FOXC2: variants seen among roughly 807,000 people sequenced by gnomAD.
FOXC2 encodes forkhead box protein C2.
Under a neutral mutation model 7.2 loss-of-function variants are expected in FOXC2, and 7 were observed. The observed-to-expected ratio is 0.97, with a 90% confidence interval of 0.55 to 1.81. The LOEUF (loss-of-function observed/expected upper bound fraction) is 1.81, where lower values mean the gene tolerates loss of function less well. FOXC2 is among the 40% of genes most tolerant of loss of function. The pLI is 0.00. For synonymous variants in FOXC2, 436 were observed against 350.4 expected, an observed-to-expected ratio of 1.24 and a Z score of -2.73; for missense variants, 846 against 741.2, an observed-to-expected ratio of 1.14 and a Z score of -1.64.
At position 86,568,996 on chromosome 16, in the gene FOXC2, C is replaced by T. The variant is rs1974245968; in HGVS notation, c.*155C>T. On this transcript the variant is annotated 3_prime_UTR_variant, in exon 1 of 1. Transcript: ENST00000649859. The surrounding 1 kb of genome is among the most constrained non-coding windows in gnomAD (Gnocchi z 5.2). ...CGGGAGCAGAGAGCGGGCACGCTAG[C>T]CCCCAGCCGTCTGTGAAGAGCGCAG... 3 of 987,144 alleles carry T rather than the reference C, an allele frequency of 3.0e-6. No individual in the cohort carries two copies. The highest frequency in any genetic ancestry group is 4.6e-6 in the Non-Finnish European group (3 of 650,784). The allele number at this position is 987,144 out of a possible 1,614,324, so 61.1% of individuals were successfully genotyped here.
rs755362690 is a variant in FOXC2, at chr16:86,567,704, C to T, written c.369C>T (p.Asn123=). 3.2e-5 allele frequency: 51 copies of T among 1,614,118 alleles called. No homozygotes were observed. The highest frequency in any genetic ancestry group is 1.2e-4 in the Admixed American group (7 of 60,014). The change falls in exon 1 of 1, where the codon AAC becomes AAT. Residue 123 remains asparagine (N), a synonymous_variant. Transcript: ENST00000649859. ...GCTGGCAGAACAGCATCCGCCACAACCTCTCGCTCAACGAGTGCTTCGTCA... is the reference window on the plus strand; with the variant it reads ...GCTGGCAGAACAGCATCCGCCACAATCTCTCGCTCAACGAGTGCTTCGTCA... ...KQGWQNSIRH[N]LSLNECFVKV...
chr16:86,567,314 G>C lies in FOXC2; in HGVS notation c.-22G>C, dbSNP rs1205258166. 1 of 1,612,174 alleles carries C rather than the reference G, an allele frequency of 6.2e-7. No individual in the cohort carries two copies. The highest frequency in any genetic ancestry group is 8.5e-7 in the Non-Finnish European group (1 of 1,179,542). Reference sequence around the variant, plus strand: ...GCCGCAGTCCGTGCGCGAGGGCGCCGGCGAGCCGTCTCGGAAGCAGCATGC... The same window carrying C: ...GCCGCAGTCCGTGCGCGAGGGCGCCCGCGAGCCGTCTCGGAAGCAGCATGC... On this transcript the variant is annotated 5_prime_UTR_variant, in exon 1 of 1. Coordinates refer to ENST00000649859, the MANE Select transcript of FOXC2 (RefSeq NM_005251.3).
chr16:86,567,079 C>T lies in FOXC2; in HGVS notation c.-257C>T, dbSNP rs1004233221. Reference sequence around the variant, plus strand: ...TCCTGGAGCCAGCGAGGAGCGGGGCCGGCGCTGCGCTTGCCCGGGGCGCGC... The same window carrying T: ...TCCTGGAGCCAGCGAGGAGCGGGGCTGGCGCTGCGCTTGCCCGGGGCGCGC... On this transcript the variant is annotated 5_prime_UTR_variant, in exon 1 of 1. Coordinates refer to ENST00000649859, the MANE Select transcript of FOXC2 (RefSeq NM_005251.3). Among the ~76,000 whole-genome samples the T allele has an allele frequency of 2.7e-5, 4 of 150,362 alleles. No individual in the cohort carries two copies. Among genetic ancestry groups the T allele is most frequent in the Non-Finnish European group, 5.9e-5 (4 of 67,404 alleles).
At position 86,569,500 on chromosome 16, in the gene FOXC2, C is replaced by T. The variant is rs1974252636; in HGVS notation, c.*659C>T. On this transcript the variant is annotated 3_prime_UTR_variant, in exon 1 of 1. Transcript: ENST00000649859. ...TCTTTTTCCCATTGTAGGTCTTTTA[C>T]AAAACAAGAAAATAATTTATTTTTT... The T allele has an allele frequency of 6.0e-6, 1 of 165,726 alleles. No individual in the cohort carries two copies. Among genetic ancestry groups the T allele is most frequent in the Non-Finnish European group, 1.5e-5 (1 of 68,042 alleles). 10.3% of individuals were successfully genotyped at this position (165,726 alleles called of 1,614,324 possible).
rs183102113 is a variant in FOXC2 at position 86,569,315 on chromosome 16, G to A, written c.*474G>A. 1.7e-5 allele frequency: 3 copies of A among 176,470 alleles called. No individual in the cohort carries two copies. 10.9% of individuals were successfully genotyped at this position (176,470 alleles called of 1,614,324 possible). On this transcript the variant is annotated 3_prime_UTR_variant, in exon 1 of 1. Coordinates refer to ENST00000649859, the MANE Select transcript of FOXC2 (RefSeq NM_005251.3). ...TACAAATGTGTGGATTTGTAATCAG[G>A]CTATTTTGTTGTTGTTGTTGTTGTT...
At position 86,568,003 on chromosome 16, in the gene FOXC2, C is replaced by G. The variant is rs1435098450; in HGVS notation, c.668C>G (p.Pro223Arg). ...AGCGAGGCGGCGTCCCCGGCGCTGC[C>G]GGTCATCACCAAGGTGGAGACGCTG... is the stretch of plus-strand genomic sequence containing the variant. ...IKSEAASPAL[P>R]VITKVETLSP... Residue 223 changes from proline (P) to arginine (R), a missense_variant, in exon 1 of 1, where the codon CCG becomes CGG. Coordinates refer to ENST00000649859, the MANE Select transcript of FOXC2 (RefSeq NM_005251.3). This position sits in a 1 kb window ranked among gnomAD's most constrained non-coding sequence, Gnocchi z 5.2. 9 of 1,492,876 alleles carry G rather than the reference C, an allele frequency of 6.0e-6. No individual in the cohort carries two copies. The highest frequency in any genetic ancestry group is 1.4e-5 in the African/African-American group (1 of 71,002). The allele number at this position is 1,492,876 out of a possible 1,614,324, so 92.5% of individuals were successfully genotyped here. A position where few individuals can be genotyped will look rare whatever the true frequency, so the allele number is the denominator to read the frequency against.
Position 86,567,349 on chromosome 16 carries a change from A to G in FOXC2, c.14A>G (p.Tyr5Cys). MQARYSVSDPNALGV... is the reference protein window; with the variant it reads MQARCSVSDPNALGV... The stretch of plus-strand genomic sequence containing the variant: ...CTCGGAAGCAGCATGCAGGCGCGCT[A>G]CTCCGTGTCCGACCCCAACGCCCTG... The change falls in exon 1 of 1, where the codon TAC (tyrosine) becomes TGC (cysteine). Residue 5 changes from tyrosine (Y) to cysteine (C), a missense_variant. Around this residue, in one of 3 missense-constraint regions of FOXC2, gnomAD observed 154 missense variants for 134.2 expected, o/e 1.15. Coordinates refer to ENST00000649859, the MANE Select transcript of FOXC2 (RefSeq NM_005251.3). The G allele has an allele frequency of 1.2e-6, 2 of 1,612,726 alleles. No individual in the cohort carries two copies. Among genetic ancestry groups the G allele is most frequent in the Middle Eastern group, 1.7e-4 (1 of 6,058 alleles).
chr16:86,569,619 GAAAAA>G lies in FOXC2; in HGVS notation c.*789_*793del, dbSNP rs35468842. 4 of 154,602 alleles carry G rather than the reference GAAAAA, an allele frequency of 2.6e-5. No individual in the cohort carries two copies. In the South Asian group the frequency reaches 6.6e-4, roughly 26 times the overall value. 9.6% of individuals were successfully genotyped at this position (154,602 alleles called of 1,614,324 possible). On this transcript the variant is annotated 3_prime_UTR_variant, in exon 1 of 1. Coordinates refer to ENST00000649859, the MANE Select transcript of FOXC2 (RefSeq NM_005251.3). ...GGTTCCACCCTGAGTATTCCTAAAA[GAAAAA>G]AAAAAAAAAAGCTTAAAAACTCTAA...
Position 86,568,278 on chromosome 16 carries a change from C to T in FOXC2, c.943C>T (p.Gln315Ter). The stretch of plus-strand genomic sequence containing the variant: ...CGCCGCGCCGCCCGCCGCCTACGGC[C>T]AGCCGTGCGCTCAGGGCCTGGAGGC... ...YAAAPPAAYG[Q>*]PCAQGLEAGA... is the part of the protein sequence containing the mutation. Residue 315 changes from glutamine (Q) to a stop codon, truncating the protein, a stop_gained, in exon 1 of 1, where the codon CAG becomes TAG. Transcript: ENST00000649859. LOFTEE classifies it low-confidence loss of function (END_TRUNC). This position sits in a 1 kb window ranked among gnomAD's most constrained non-coding sequence, Gnocchi z 5.2. 1 of 1,254,362 alleles carries T rather than the reference C, an allele frequency of 8.0e-7. No individual in the cohort carries two copies. Among genetic ancestry groups the T allele is most frequent in the Non-Finnish European group, 1.0e-6 (1 of 1,000,886 alleles). The allele number at this position is 1,254,362 out of a possible 1,614,324, so 77.7% of individuals were successfully genotyped here. A position where few individuals can be genotyped will look rare whatever the true frequency, so the allele number is the denominator to read the frequency against.
chr16:86,567,762 G>T lies in FOXC2; in HGVS notation c.427G>T (p.Gly143Cys), dbSNP rs1974218023. ...CCGCGACGACAAGAAGCCCGGCAAG[G>T]GCAGTTACTGGACCCTGGACCCGGA... ...VPRDDKKPGK[G>C]SYWTLDPDSY... Residue 143 changes from glycine to cysteine, a missense_variant, in exon 1 of 1, where the codon GGC (glycine) becomes TGC (cysteine). Transcript: ENST00000649859. The T allele has an allele frequency of 6.2e-7, 1 of 1,614,084 alleles. No individual in the cohort carries two copies. The highest frequency in any genetic ancestry group is 1.7e-5 in the Admixed American group (1 of 60,016).
At position 86,569,669 on chromosome 16, in the gene FOXC2, A is replaced by T. The variant is rs907891383; in HGVS notation, c.*828A>T. On this transcript the variant is annotated 3_prime_UTR_variant, in exon 1 of 1. Coordinates refer to ENST00000649859, the MANE Select transcript of FOXC2 (RefSeq NM_005251.3). ...CTCTAACTTCATCTGTGTTTGTCTTACGTGGTCTTAATCGTTGTACTTACC... is the reference window on the plus strand; with the variant it reads ...CTCTAACTTCATCTGTGTTTGTCTTTCGTGGTCTTAATCGTTGTACTTACC... 1.8e-5 allele frequency: 3 copies of T among 165,958 alleles called. No homozygotes were observed. Among genetic ancestry groups the T allele is most frequent in the African/African-American group, 7.3e-5 (3 of 41,242 alleles). The allele number at this position is 165,958 out of a possible 1,614,324, so 10.3% of individuals were successfully genotyped here.
chr16:86,568,294 GCCTGGAGGC>G lies in FOXC2; in HGVS notation c.961_969del (p.Leu321_Ala323del). The G allele has an allele frequency of 7.9e-7, 1 of 1,263,938 alleles. No homozygotes were observed. The highest frequency in any genetic ancestry group is 1.0e-6 in the Non-Finnish European group (1 of 1,004,910). The allele number at this position is 1,263,938 out of a possible 1,614,324, so 78.3% of individuals were successfully genotyped here. ...GCCTACGGCCAGCCGTGCGCTCAGG[GCCTGGAGGC>G]CGGGGCCGCCGGGGGCTACCAGTGC... On this transcript the variant is annotated inframe_deletion, in exon 1 of 1. Transcript: ENST00000649859. This position sits in a 1 kb window ranked among gnomAD's most constrained non-coding sequence, Gnocchi z 5.2.
In FOXC2 at chr16:86,567,116, C is replaced by T; in HGVS notation, c.-220C>T. 1 of 336,122 alleles carries T rather than the reference C, an allele frequency of 3.0e-6. No homozygotes were observed. The highest frequency in any genetic ancestry group is 5.3e-6 in the Non-Finnish European group (1 of 190,288). 20.8% of individuals were successfully genotyped at this position (336,122 alleles called of 1,614,324 possible). On this transcript the variant is annotated 5_prime_UTR_variant, in exon 1 of 1. Coordinates refer to ENST00000649859, the MANE Select transcript of FOXC2 (RefSeq NM_005251.3). Reference sequence around the variant, plus strand: ...TGCCCGGGGCGCGCCCTCCAGGATGCCGATCCGCCCGGTCCGCTGAAAGCG... The same window carrying T: ...TGCCCGGGGCGCGCCCTCCAGGATGTCGATCCGCCCGGTCCGCTGAAAGCG...
chr16:86,567,057 T>G lies in FOXC2; in HGVS notation c.-279T>G, dbSNP rs1974204356. On this transcript the variant is annotated 5_prime_UTR_variant, in exon 1 of 1. Transcript: ENST00000649859. ...TGCCCGCGCTGCCGCCGCCGGGTCC[T>G]GGAGCCAGCGAGGAGCGGGGCCGGC... 1.3e-5 allele frequency among the ~76,000 whole-genome samples: 2 copies of G among 150,482 alleles called. No individual in the cohort carries two copies. Among genetic ancestry groups the G allele is most frequent in the South Asian group, 4.2e-4 (2 of 4,816 alleles).
At position 86,567,985 on chromosome 16, in the gene FOXC2, C is replaced by T. The variant is rs776026772; in HGVS notation, c.650C>T (p.Ala217Val). Residue 217 changes from alanine to valine, a missense_variant, in exon 1 of 1, where the codon GCG becomes GTG. This residue lies in a region of FOXC2 where 640 missense variants were observed against 503.2 expected (regional missense o/e 1.27). Coordinates refer to ENST00000649859, the MANE Select transcript of FOXC2 (RefSeq NM_005251.3). ...AEKKVVIKSE[A>V]ASPALPVITK... Reference sequence around the variant, plus strand: ...AAGAAGGTGGTGATCAAGAGCGAGGCGGCGTCCCCGGCGCTGCCGGTCATC... The same window carrying T: ...AAGAAGGTGGTGATCAAGAGCGAGGTGGCGTCCCCGGCGCTGCCGGTCATC... 7 of 1,509,106 alleles carry T rather than the reference C, an allele frequency of 4.6e-6. No homozygotes were observed. The highest frequency in any genetic ancestry group is 1.3e-5 in the South Asian group (1 of 77,622). 93.5% of individuals were successfully genotyped at this position (1,509,106 alleles called of 1,614,324 possible).
At position 86,567,281 on chromosome 16, in the gene FOXC2, C is replaced by A; in HGVS notation, c.-55C>A. 1 of 1,605,986 alleles carries A rather than the reference C, an allele frequency of 6.2e-7. No homozygotes were observed. Among genetic ancestry groups the A allele is most frequent in the Non-Finnish European group, 8.5e-7 (1 of 1,175,744 alleles). ...TCTCTCGCTCTCAGGGCCCCCCTCGCTCCCCCGGCCGCAGTCCGTGCGCGA... is the reference window on the plus strand; with the variant it reads ...TCTCTCGCTCTCAGGGCCCCCCTCGATCCCCCGGCCGCAGTCCGTGCGCGA... On this transcript the variant is annotated 5_prime_UTR_variant, in exon 1 of 1. Coordinates refer to ENST00000649859, the MANE Select transcript of FOXC2 (RefSeq NM_005251.3).
At position 86,568,161 on chromosome 16, in the gene FOXC2, A is replaced by T; in HGVS notation, c.826A>T (p.Met276Leu). 7.6e-7 allele frequency: 1 copy of T among 1,309,476 alleles called. No individual in the cohort carries two copies. The highest frequency in any genetic ancestry group is 9.6e-7 in the Non-Finnish European group (1 of 1,038,038). 81.1% of individuals were successfully genotyped at this position (1,309,476 alleles called of 1,614,324 possible). A position where few individuals can be genotyped will look rare whatever the true frequency, so the allele number is the denominator to read the frequency against. The stretch of plus-strand genomic sequence containing the variant: ...GCCTGGCTTCAGCGTGGAGAACATC[A>T]TGACCCTGCGAACGTCGCCGCCGGG... ...GLPGFSVENI[M>L]TLRTSPPGGE... Residue 276 changes from methionine to leucine, a missense_variant, in exon 1 of 1, where the codon ATG becomes TTG. Physicochemically the swap from Met to Leu is conservative, Grantham distance 15. This residue lies in a region of FOXC2 where 640 missense variants were observed against 503.2 expected (regional missense o/e 1.27). Coordinates refer to ENST00000649859, the MANE Select transcript of FOXC2 (RefSeq NM_005251.3). This position sits in a 1 kb window ranked among gnomAD's most constrained non-coding sequence, Gnocchi z 5.2.
rs1974231359 is a variant in FOXC2, at chr16:86,568,386, C to T, written c.1051C>T (p.Pro351Ser). 1.4e-6 allele frequency: 2 copies of T among 1,385,368 alleles called. No homozygotes were observed. The highest frequency in any genetic ancestry group is 1.9e-6 in the Non-Finnish European group (2 of 1,062,956). The allele number at this position is 1,385,368 out of a possible 1,614,324, so 85.8% of individuals were successfully genotyped here. The change falls in exon 1 of 1, where the codon CCG (proline) becomes TCG (serine). Residue 351 changes from proline to serine, a missense_variant. Pro to Ser is a moderately conservative substitution (Grantham distance 74). Transcript: ENST00000649859. This position sits in a 1 kb window ranked among gnomAD's most constrained non-coding sequence, Gnocchi z 5.2. Reference protein sequence around the residue: ...GAERPAHMCVPPALDEALSDH... With the variant: ...GAERPAHMCVSPALDEALSDH... ...CGAGCGGCCGGCGCACATGTGCGTC[C>T]CGCCCGCCCTGGACGAGGCCCTCTC...
rs1158232209 is a variant in FOXC2, at chr16:86,567,914, C to A, written c.579C>A (p.Gly193=). 1.0e-5 allele frequency: 16 copies of A among 1,577,444 alleles called. No individual in the cohort carries two copies. The highest frequency in any genetic ancestry group is 1.4e-5 in the Non-Finnish European group (16 of 1,171,578). ...AGCCGCCCCCGGCGGCGTCCAAGGG[C>A]GCCCCGGCCACCCCCCACCTAGCGG... ...LKEPPPAASK[G]APATPHLADA... Residue 193 remains glycine (G), a synonymous_variant, in exon 1 of 1, where the codon GGC becomes GGA. Transcript: ENST00000649859.
Sources: gnomAD v4.1 joint callset for allele counts (sites outside exome capture counted in the v4.1 genomes callset) on GRCh38, gnomAD v4.1.1 for gene constraint, gnomAD v4.1.1 regional missense constraint, Gnocchi (gnomAD v3.1) non-coding constraint, MANE v1.5 for transcripts, NCBI Gene and HGNC (gene_info 2026-07-23, HGNC 2026-07-21) for gene names.